The following KCNMA1 variants were observed in gnomAD, a reference collection of about 807,000 sequenced individuals.
The protein encoded by KCNMA1 is potassium calcium-activated channel subfamily M alpha 1, also known as Calcium-activated potassium channel subunit alpha-1.
In KCNMA1, 29 loss-of-function variants were observed where a neutral mutation model predicts 140.0. The ratio of observed to expected loss-of-function variants is 0.21; its 90% CI spans 0.15 to 0.28. The LOEUF (loss-of-function observed/expected upper bound fraction) is 0.28, where lower values mean the gene tolerates loss of function less well. KCNMA1 is among the 10% of genes least tolerant of loss of function. The probability of loss-of-function intolerance (pLI) is 1.00; values close to 1 mark genes in which losing one functional copy is unlikely to be tolerated. For synonymous variants in KCNMA1, 612 were observed against 611.9 expected (o/e 1.00, Z 0.00); for missense variants, 880 against 1,602.2 (o/e 0.55, Z 7.70).
intron 2 of KCNMA1, among the ~76,000 whole-genome samples, chr10:77,366,137 T>C (rs2094341082): frequency 1.9e-5 from 1 of 51,572 alleles, no homozygotes; most frequent in Non-Finnish European, 4.0e-5. Flanking sequence ...TTCTTCTCTC[T>C]CTCTCTCTTT....
chr10:76,978,607 G>C (rs2078416337), intron 19 of KCNMA1: 1 of 152,162 alleles, frequency 6.6e-6, no homozygotes, highest in South Asian at 2.1e-4. Context: ...ATTTAACAAA[G>C]ACAAAGTGGA....
intron 23 of KCNMA1, among the ~76,000 whole-genome samples, chr10:76,928,842 A>G (rs1419338348): frequency 6.6e-6 from 1 of 152,130 alleles, no homozygotes; most frequent in African/African-American, 2.4e-5. Context: ...CGCCTTAAAA[A>G]CTACCTAGAG....
intron 1 of KCNMA1, among the ~76,000 whole-genome samples, chr10:77,572,582 A>C (rs1329833227): frequency 3.4e-5 from 3 of 88,940 alleles, no homozygotes; most frequent in African/African-American, 1.4e-4. Context: ...ATATATATAT[A>C]TATATATATA....
intron 2 of KCNMA1, among the ~76,000 whole-genome samples, chr10:77,278,581 C>G (rs1012569901): frequency 4.6e-5 from 7 of 152,152 alleles, no homozygotes; most frequent in African/African-American, 1.7e-4. Flanking sequence ...CGAAATCCAG[C>G]CTCAACCCAG....
intron 3 of KCNMA1, among the ~76,000 whole-genome samples, chr10:77,234,461 T>C (rs2054708359): frequency 6.6e-6 from 1 of 152,228 alleles, no homozygotes; most frequent in South Asian, 2.1e-4. Flanking sequence ...GTCAGGCACA[T>C]AATAGCCATT....
intron 14 of KCNMA1, among the ~76,000 whole-genome samples, chr10:77,058,546 A>T (rs1442868405): frequency 6.6e-6 from 1 of 152,134 alleles, no homozygotes; most frequent in Non-Finnish European, 1.5e-5. Context: ...AAAGAATTGA[A>T]ATCATGCCAA....
intron 2 of KCNMA1, among the ~76,000 whole-genome samples, chr10:77,272,010 C>G (rs1189022796): frequency 6.6e-6 from 1 of 152,158 alleles, no homozygotes; most frequent in African/African-American, 2.4e-5. Flanking sequence ...AAGGCCTTTC[C>G]TGACTATCCT....
At chr10:77,001,649 G>A in intron 18 of KCNMA1, 69 bp from the exon 19 acceptor site, 1 of 1,316,282 alleles carries the variant, frequency 7.6e-7, no homozygotes, top group Non-Finnish European at 1.1e-6. Flanking sequence ...ACACAGCAAG[G>A]CAGCTGGAAG....
Position 77,079,453 on chromosome 10 carries a change from G to C in KCNMA1, c.1593+28C>G, listed in dbSNP as rs200728134. The C allele has an allele frequency of 5.2e-5, 78 of 1,506,450 alleles. No individual in the cohort carries two copies. The Admixed American group carries it at 6.2e-4, about 12-fold the overall frequency. The allele number at this position is 1,506,450 out of a possible 1,614,324, so 93.3% of individuals were successfully genotyped here. On this transcript the variant is annotated intron_variant, in intron 13 of 27. Coordinates refer to ENST00000286628, the MANE Select transcript of KCNMA1 (RefSeq NM_001161352.2). ...GGCTGGACCTGTGGATGGGTCTTCA[G>C]ACCTGGAGCGGGCTCTCGCACTCCT...
chr10:77,211,146 G>T (rs531531253), intron 3 of KCNMA1, among the ~76,000 whole-genome samples: 19 of 151,964 alleles, frequency 1.3e-4, no homozygotes, highest in African/African-American at 4.1e-4. Flanking sequence ...AAAAAACAAA[G>T]CTGGAGGCAT....
chr10:76,929,124 A>G (rs2058604930), intron 23 of KCNMA1, among the ~76,000 whole-genome samples: 1 of 152,240 alleles, frequency 6.6e-6, no homozygotes, highest in Non-Finnish European at 1.5e-5. Context: ...ACACACCTGC[A>G]TAATAGGAAG....
chr10:77,294,913 T>C (rs572088288), intron 2 of KCNMA1, among the ~76,000 whole-genome samples: 29 of 151,222 alleles, frequency 1.9e-4, no homozygotes, highest in African/African-American at 6.3e-4. Context: ...AGCAAGACTC[T>C]GTCTCAAAAA....
chr10:77,106,933 G>A lies in KCNMA1; in HGVS notation c.1223+1548C>T, dbSNP rs570176914. ...AAGATGGAGGGATGTGCTGCCTCCC[G>A]GAAAAGACGCCAACTGGCCTCCTCT... On this transcript the variant is annotated intron_variant, in intron 9 of 27. Transcript: ENST00000286628. 7.2e-5 allele frequency among the ~76,000 whole-genome samples: 11 copies of A among 152,272 alleles called. No homozygotes were observed. In the South Asian group the frequency reaches 8.3e-4, roughly 12 times the overall value.
chr10:76,900,711 T>A (rs1807254266), intron 25 of KCNMA1, among the ~76,000 whole-genome samples: 1 of 152,072 alleles, frequency 6.6e-6, no homozygotes, highest in African/African-American at 2.4e-5. Flanking sequence ...TATATACAGA[T>A]TAAAAACTGA....
chr10:77,040,866 G>C (rs968584235), intron 14 of KCNMA1, among the ~76,000 whole-genome samples: 2 of 152,134 alleles, frequency 1.3e-5, no homozygotes, highest in Admixed American at 1.3e-4. Flanking sequence ...TTTCAGAGAG[G>C]TCTTGCTCCA....
At chr10:77,027,759 C>T (rs2093592723) in intron 16 of KCNMA1, 64 bp downstream of exon 16, 4 of 1,288,288 alleles carry the variant, frequency 3.1e-6, no homozygotes, top group Admixed American at 1.7e-5. Flanking sequence ...GTGAACCGAC[C>T]GTTCTCAGAA....
intron 5 of KCNMA1, among the ~76,000 whole-genome samples, chr10:77,126,216 G>T (rs995474130): frequency 4.6e-5 from 7 of 152,126 alleles, no homozygotes. Flanking sequence ...AGAAGAAAAT[G>T]TGTATATACC....
chr10:77,579,616 ACTC>A lies in KCNMA1; in HGVS notation c.378+57646_378+57648del, dbSNP rs1257553330. The stretch of plus-strand genomic sequence containing the variant: ...CTATACAAAAAGAAGTGGCCGGTAG[ACTC>A]CTGCTGTGGGCAATGGGGAAGTTTT... On this transcript the variant is annotated intron_variant, in intron 1 of 27. Coordinates refer to ENST00000286628, the MANE Select transcript of KCNMA1 (RefSeq NM_001161352.2). 6.6e-5 allele frequency among the ~76,000 whole-genome samples: 10 copies of A among 152,240 alleles called. No individual in the cohort carries two copies. In the East Asian group the frequency reaches 1.9e-3, roughly 29 times the overall value.
At chr10:76,997,481 G>A (rs990943853) in intron 19 of KCNMA1, among the ~76,000 whole-genome samples, 1 of 152,210 alleles carries the variant, frequency 6.6e-6, no homozygotes, top group Non-Finnish European at 1.5e-5. Flanking sequence ...AGTTACTGAT[G>A]CTTTGTGACT....
Sources: gnomAD v4.1 joint callset for allele counts (sites outside exome capture counted in the v4.1 genomes callset) on GRCh38, gnomAD v4.1.1 for gene constraint, MANE v1.5 for transcripts, NCBI Gene and HGNC (gene_info 2026-07-23, HGNC 2026-07-21) for gene names.